MYH13: variants seen among roughly 807,000 people sequenced by gnomAD.
MYH13 encodes the protein myosin-13.
A neutral mutation model predicts 232.1 loss-of-function variants in MYH13; 177 were observed. The ratio of observed to expected loss-of-function variants is 0.76; its 90% CI spans 0.67 to 0.86. The LOEUF (loss-of-function observed/expected upper bound fraction) is 0.86. MYH13 is among the 40% of genes least tolerant of loss of function. MYH13 has a pLI of 0.00. For missense variants in MYH13, 2,246 were observed against 2,405.9 expected (o/e 0.93, Z 1.39); for synonymous variants, 884 against 923.5 (o/e 0.96, Z 0.78).
At position 10,368,030 on chromosome 17, in the gene MYH13, G is replaced by A. The variant is rs578151479; in HGVS notation, c.-13+3179C>T. 2.8e-4 allele frequency among the ~76,000 whole-genome samples: 42 copies of A among 152,294 alleles called. No homozygotes were observed. The Middle Eastern group carries it at 0.01, about 37-fold the overall frequency. The stretch of plus-strand genomic sequence containing the variant: ...TCCACTAGTCTGTCTTGCATTTTGA[G>A]TGGATCTTCTTTTCCCATATGTGAA... On this transcript the variant is annotated intron_variant, in intron 2 of 40. Transcript: ENST00000252172.
chr17:10,332,330 A>G, intron 19 of MYH13, 108 bp from the exon 20 acceptor site: 2 of 1,409,638 alleles, frequency 1.4e-6, no homozygotes, highest in South Asian at 2.5e-5. Context: ...AGGAAGTGGA[A>G]TACTGTACAG....
intron 11 of MYH13, among the ~76,000 whole-genome samples, chr17:10,352,371 C>T (rs2071716651): frequency 6.6e-6 from 1 of 152,080 alleles, no homozygotes; most frequent in Admixed American, 6.6e-5. Flanking sequence ...GTGGGTGGAT[C>T]ACAAGGCTAG....
rs1354769988 is a variant in MYH13, at chr17:10,352,995, A to C, written c.1005+1685T>G. Among the ~76,000 whole-genome samples the C allele has an allele frequency of 2.6e-5, 4 of 152,092 alleles. No individual in the cohort carries two copies. In the East Asian group the frequency reaches 7.7e-4, roughly 29 times the overall value. On this transcript the variant is annotated intron_variant, in intron 11 of 40. Transcript: ENST00000252172. ...CAGCTGAGCTTCAGCCAATCACAGC[A>C]GCTGAGTCTCAGCCAATCACAGCAG... is the stretch of plus-strand genomic sequence containing the variant.
At position 10,346,785 on chromosome 17, in the gene MYH13, G is replaced by A. The variant is rs369112051; in HGVS notation, c.1158C>T (p.Ala386=). Residue 386 remains alanine, a synonymous_variant, in exon 13 of 41, where the codon GCC becomes GCT. Transcript: ENST00000252172. Reference sequence around the variant, plus strand: ...CAGAATTCAGTCCCATCAGGTATCCGGCTTTGTCAGCCACTGAAGGAAGAG... The same window carrying A: ...CAGAATTCAGTCCCATCAGGTATCCAGCTTTGTCAGCCACTGAAGGAAGAG... ...EPDGTEVADK[A]GYLMGLNSAE... is the part of the protein sequence containing the mutation. 2.5e-4 allele frequency: 411 copies of A among 1,613,596 alleles called. No individual in the cohort carries two copies. The highest frequency in any genetic ancestry group is 1.1e-3 in the African/African-American group (86 of 74,998).
chr17:10,326,805 A>G (rs1435415218), intron 22 of MYH13, among the ~76,000 whole-genome samples: 1 of 145,330 alleles, frequency 6.9e-6, no homozygotes, highest in African/African-American at 2.5e-5. Context: ...TGATAAAACT[A>G]TGTATCTTTA....
chr17:10,353,037 C>T lies in MYH13; in HGVS notation c.1005+1643G>A, dbSNP rs530869548. On this transcript the variant is annotated intron_variant, in intron 11 of 40. Coordinates refer to ENST00000252172, the MANE Select transcript of MYH13 (RefSeq NM_003802.3). Reference sequence around the variant, plus strand: ...TCACAGCAGCTGAGCTTCAGCCAATCACAGGCTGCCAAACTGATGGGCCAT... The same window carrying T: ...TCACAGCAGCTGAGCTTCAGCCAATTACAGGCTGCCAAACTGATGGGCCAT... Among the ~76,000 whole-genome samples the T allele has an allele frequency of 1.3e-4, 20 of 151,396 alleles. No individual in the cohort carries two copies. The South Asian group carries it at 4.2e-3, about 32-fold the overall frequency.
intron 18 of MYH13, among the ~76,000 whole-genome samples, chr17:10,338,892 G>A (rs1017321675): frequency 7.2e-5 from 11 of 151,974 alleles, no homozygotes; most frequent in African/African-American, 1.4e-4. Flanking sequence ...TAGTAGAGAC[G>A]GGGTTTCACC....
At position 10,332,111 on chromosome 17, in the gene MYH13, G is replaced by A. The variant is rs762711763; in HGVS notation, c.2286C>T (p.Phe762=). The stretch of plus-strand genomic sequence containing the variant: ...TGCCTGTGCTCACCTTGGTGTTGCC[G>A]AACCTGAACTGCTCCCGGTCCACAT... ...SIDVDREQFR[F]GNTKVFFKAG... is the part of the protein sequence containing the mutation. Residue 762 remains phenylalanine, a synonymous_variant, in exon 20 of 41, where the codon TTC becomes TTT. Coordinates refer to ENST00000252172, the MANE Select transcript of MYH13 (RefSeq NM_003802.3). 39 of 1,613,762 alleles carry A rather than the reference G, an allele frequency of 2.4e-5. No individual in the cohort carries two copies. In the South Asian group the frequency reaches 2.5e-4, roughly 10 times the overall value.
chr17:10,330,946 G>A lies in MYH13; in HGVS notation c.2299-423C>T, dbSNP rs533749510. ...GCAGGAGCATCACTTGAGCCTGGGAGGTGGAGGTTGCAGTGAGCAGAGATT... is the reference window on the plus strand; with the variant it reads ...GCAGGAGCATCACTTGAGCCTGGGAAGTGGAGGTTGCAGTGAGCAGAGATT... On this transcript the variant is annotated intron_variant, in intron 20 of 40. Coordinates refer to ENST00000252172, the MANE Select transcript of MYH13 (RefSeq NM_003802.3). 3.7e-4 allele frequency among the ~76,000 whole-genome samples: 56 copies of A among 152,228 alleles called. 1 individual carries two copies. The highest frequency in any genetic ancestry group is 1.2e-4 in the Non-Finnish European group (8 of 68,016).
At chr17:10,331,998 C>A in intron 20 of MYH13, 101 bp downstream of exon 20, 1 of 1,480,892 alleles carries the variant, frequency 6.8e-7, no homozygotes, top group South Asian at 1.3e-5. Flanking sequence ...CAAGGACGGT[C>A]AGGTGGACCA....
At position 10,326,981 on chromosome 17, in the gene MYH13, GTTTTTTTTTTTTTTTTTTTT is replaced by G. The variant is rs61543278; in HGVS notation, c.2691+865_2691+884del. ...GAGACATGCACCACCATGCCTACTA[GTTTTTTTTTTTTTTTTTTTT>G]TTTTTTTTTTTTTTTTTTGAGACGG... On this transcript the variant is annotated intron_variant, in intron 22 of 40. Transcript: ENST00000252172. 1.3e-3 allele frequency among the ~76,000 whole-genome samples: 74 copies of G among 55,832 alleles called. 4 individuals carry two copies. The South Asian group carries it at 0.04, about 31-fold the overall frequency. 36.6% of individuals were successfully genotyped at this position (55,832 alleles called of 152,430 possible).
At chr17:10,361,501 C>T (rs1312342403) in intron 5 of MYH13, among the ~76,000 whole-genome samples, 1 of 152,072 alleles carries the variant, frequency 6.6e-6, no homozygotes, top group Non-Finnish European at 1.5e-5. Context: ...ATCATGTTGG[C>T]CAGGCTGGCC....
At position 10,332,127 on chromosome 17, in the gene MYH13, C is replaced by T. The variant is rs756022773; in HGVS notation, c.2270G>A (p.Arg757Gln). The T allele has an allele frequency of 3.0e-5, 48 of 1,613,866 alleles. No individual in the cohort carries two copies. The highest frequency in any genetic ancestry group is 2.5e-4 in the East Asian group (11 of 44,888). Reference sequence around the variant, plus strand: ...GGTGTTGCCGAACCTGAACTGCTCCCGGTCCACATCGATGGAGTTGAGGAG... The same window carrying T: ...GGTGTTGCCGAACCTGAACTGCTCCTGGTCCACATCGATGGAGTTGAGGAG... ...EKLLNSIDVD[R>Q]EQFRFGNTKV... The change falls in exon 20 of 41, where the codon CGG (arginine) becomes CAG (glutamine). Residue 757 changes from arginine to glutamine, a missense_variant. Coordinates refer to ENST00000252172, the MANE Select transcript of MYH13 (RefSeq NM_003802.3).
intron 16 of MYH13, among the ~76,000 whole-genome samples, chr17:10,342,799 C>T (rs143263457): frequency 1.3e-5 from 2 of 152,084 alleles, no homozygotes; most frequent in Non-Finnish European, 2.9e-5. Flanking sequence ...GGATAGAAAT[C>T]TGCTCATGGG....
In MYH13 at chr17:10,320,347, C is replaced by T; in HGVS notation, c.3257+4G>A. The stretch of plus-strand genomic sequence containing the variant: ...GACACAGAGGTGGTAAAAGAAATAT[C>T]TACTTTTTCAATTTCTCTTCTATTT... On this transcript the variant is annotated splice_donor_region_variant and intron_variant, in intron 25 of 40. Transcript: ENST00000252172. 6.2e-7 allele frequency: 1 copy of T among 1,611,170 alleles called. No individual in the cohort carries two copies. The highest frequency in any genetic ancestry group is 8.5e-7 in the Non-Finnish European group (1 of 1,178,596).
chr17:10,338,001 C>T (rs935818515), intron 18 of MYH13, among the ~76,000 whole-genome samples: 9 of 151,898 alleles, frequency 5.9e-5, no homozygotes, highest in African/African-American at 1.9e-4. Context: ...TGCAGTGAGC[C>T]GAGATCGTGC....
chr17:10,312,437 T>C, intron 31 of MYH13, 137 bp downstream of exon 31: 1 of 1,049,120 alleles, frequency 9.5e-7, no homozygotes, highest in Middle Eastern at 2.3e-4. Flanking sequence ...CATCTAAGCG[T>C]GAAACTGTTG....
At chr17:10,364,580 G>C (rs1409715289) in intron 2 of MYH13, 38 bp from the exon 3 acceptor site, 3 of 1,521,884 alleles carry the variant, frequency 2.0e-6, no homozygotes, top group Non-Finnish European at 2.7e-6. Context: ...CTTGTGCTTG[G>C]GTGACTGCTG....
chr17:10,319,272 C>T (rs1006808226), intron 26 of MYH13, 93 bp from the exon 27 acceptor site: 11 of 1,429,180 alleles, frequency 7.7e-6, no homozygotes, highest in Non-Finnish European at 1.0e-5. Flanking sequence ...GGGTAGGCAG[C>T]ATGAGGTGGG....
Sources: allele counts gnomAD v4.1 joint callset (sites outside exome capture counted in the v4.1 genomes callset), GRCh38; gene constraint gnomAD v4.1.1; transcripts MANE v1.5; gene names NCBI Gene and HGNC (gene_info 2026-07-23, HGNC 2026-07-21).